The following C4BPA variants were observed in gnomAD, a reference collection of about 807,000 sequenced individuals.
C4BPA encodes C4b-binding protein alpha chain.
C4BPA carries 31 observed loss-of-function variants against 63.7 expected under a neutral mutation model. The observed-to-expected ratio is 0.49, with a 90% CI of 0.37 to 0.66. The LOEUF is 0.66. Ranked by LOEUF, C4BPA falls within the 30% of genes least tolerant of loss-of-function variation. C4BPA has a pLI of 0.00. For missense variants in C4BPA, 572 were observed against 723.3 expected, an observed-to-expected ratio of 0.79 and a Z score of 2.40; for synonymous variants, 259 against 254.7, an observed-to-expected ratio of 1.02 and a Z score of -0.16.
intron 11 of C4BPA, 122 bp downstream of exon 11, chr1:207,144,115 C>T (rs149581439): frequency 3.4e-4 from 237 of 695,116 alleles, no homozygotes; most frequent in Middle Eastern, 2.7e-3. Flanking sequence ...TTCTGAGCCA[C>T]TCCCACTCAA....
chr1:207,137,277 G>T (rs1685301018), intron 9 of C4BPA, among the ~76,000 whole-genome samples: 1 of 152,246 alleles, frequency 6.6e-6, no homozygotes, highest in Non-Finnish European at 1.5e-5. Flanking sequence ...AAATGTCTGA[G>T]ACAGGTCTCA....
chr1:207,135,774 C>T (rs774212573), intron 9 of C4BPA, among the ~76,000 whole-genome samples: 10 of 152,228 alleles, frequency 6.6e-5, no homozygotes, highest in Non-Finnish European at 1.2e-4. Flanking sequence ...GGCACTTCAA[C>T]TGTGCCTTTA....
chr1:207,124,097 C>T, intron 5 of C4BPA, 78 bp from the exon 6 acceptor site: 2 of 1,499,166 alleles, frequency 1.3e-6, no homozygotes, highest in Non-Finnish European at 1.9e-6. Flanking sequence ...GTGTACCTTC[C>T]ATTAGAATTT....
intron 9 of C4BPA, among the ~76,000 whole-genome samples, chr1:207,139,726 T>C (rs541727223): frequency 7.0e-4 from 107 of 152,324 alleles, no homozygotes; most frequent in African/African-American, 2.5e-3. Flanking sequence ...CTTTTATCAG[T>C]GCAGTTACCT....
At chr1:207,142,641 G>A (rs1331778757) in intron 10 of C4BPA, among the ~76,000 whole-genome samples, 4 of 152,104 alleles carry the variant, frequency 2.6e-5, no homozygotes, top group Non-Finnish European at 5.9e-5. Context: ...TCTCATTGTG[G>A]TTTTGATTTG....
chr1:207,140,500 C>CTT (rs79508731), intron 9 of C4BPA, among the ~76,000 whole-genome samples: 1,816 of 140,890 alleles, frequency 0.013, 38 homozygotes, highest in African/African-American at 0.044. Context: ...TGCTGCTCTG[C>CTT]TTTTTTTTTT....
chr1:207,132,880 C>T (rs550510002), intron 8 of C4BPA, among the ~76,000 whole-genome samples: 24 of 152,060 alleles, frequency 1.6e-4, no homozygotes, highest in African/African-American at 5.8e-4. Context: ...AAAAAATTAG[C>T]GGGATGTGGT....
chr1:207,139,353 A>G (rs1685360261), intron 9 of C4BPA, among the ~76,000 whole-genome samples: 1 of 152,224 alleles, frequency 6.6e-6, no homozygotes, highest in East Asian at 1.9e-4. Flanking sequence ...TATCACAGGG[A>G]TGACCACTCC....
chr1:207,122,301 A>G (rs1684936315), intron 4 of C4BPA, among the ~76,000 whole-genome samples: 1 of 152,204 alleles, frequency 6.6e-6, no homozygotes, highest in African/African-American at 2.4e-5. Context: ...ATGGGGCTTG[A>G]TATAGTCCTT....
At chr1:207,120,436 G>T (rs780184151) in intron 4 of C4BPA, among the ~76,000 whole-genome samples, 1 of 152,076 alleles carries the variant, frequency 6.6e-6, no homozygotes, top group Admixed American at 6.6e-5. Context: ...CTCTTGCTGC[G>T]TCCCCCAGTA....
In C4BPA at chr1:207,115,531, T is replaced by C. The variant is rs1159172339; in HGVS notation, c.428+16T>C. 3.8e-6 allele frequency: 5 copies of C among 1,305,664 alleles called. No homozygotes were observed. Among genetic ancestry groups the C allele is most frequent in the Non-Finnish European group, 5.3e-6 (5 of 942,040 alleles). 80.9% of individuals were successfully genotyped at this position (1,305,664 alleles called of 1,614,324 possible). On this transcript the variant is annotated intron_variant, in intron 4 of 11. Transcript: ENST00000367070. Reference sequence around the variant, plus strand: ...GTTCAGAAGGGTGAGTGTGAGGTAATCTATGAACAATTCTTTTATATTTAT... The same window carrying C: ...GTTCAGAAGGGTGAGTGTGAGGTAACCTATGAACAATTCTTTTATATTTAT...
At position 207,114,292 on chromosome 1, in the gene C4BPA, A is replaced by C; in HGVS notation, c.328+7A>C. ...TATAACACCTTCTGTATCTGTAAGTATCAACATTTATTTTTTTCCTTTGCT... is the reference window on the plus strand; with the variant it reads ...TATAACACCTTCTGTATCTGTAAGTCTCAACATTTATTTTTTTCCTTTGCT... On this transcript the variant is annotated splice_region_variant and intron_variant, in intron 3 of 11. Transcript: ENST00000367070. The C allele has an allele frequency of 6.3e-7, 1 of 1,582,022 alleles. No homozygotes were observed. The highest frequency in any genetic ancestry group is 8.6e-7 in the Non-Finnish European group (1 of 1,165,100).
intron 3 of C4BPA, among the ~76,000 whole-genome samples, chr1:207,115,116 T>C (rs1166289436): frequency 1.3e-5 from 2 of 152,188 alleles, no homozygotes. Context: ...GTACATGCCA[T>C]AGACATAGAA....
chr1:207,143,847 G>A lies in C4BPA; in HGVS notation c.1474G>A (p.Gly492Arg), dbSNP rs201588759. 6.2e-7 allele frequency: 1 copy of A among 1,613,422 alleles called. No homozygotes were observed. The highest frequency in any genetic ancestry group is 8.5e-7 in the Non-Finnish European group (1 of 1,179,506). Reference sequence around the variant, plus strand: ...GTGTCGGAAACCAGAATTAGTGAATGGAAGGTTGTCTGTGGATAAGGATCA... The same window carrying A: ...GTGTCGGAAACCAGAATTAGTGAATAGAAGGTTGTCTGTGGATAAGGATCA... Reference protein sequence around the residue: ...ALCRKPELVNGRLSVDKDQYV... With the variant: ...ALCRKPELVNRRLSVDKDQYV... The change falls in exon 11 of 12, where the codon GGA (glycine) becomes AGA (arginine). Residue 492 changes from glycine (G) to arginine (R), a missense_variant. Gly to Arg is a moderately radical substitution (Grantham distance 125, BLOSUM62 -2). This residue lies in a region of C4BPA where 465 missense variants were observed against 629.4 expected (regional missense o/e 0.74). Coordinates refer to ENST00000367070, the MANE Select transcript of C4BPA (RefSeq NM_000715.4).
chr1:207,126,793 A>C lies in C4BPA; in HGVS notation c.787A>C (p.Ile263Leu), dbSNP rs1485751096. ...FGPIYNYKDT[I>L]VFKCQKGFVL... ...ACCCATCTATAATTACAAAGACACTATTGTGTTTAAGTGCCAAAAAGGTTT... is the reference window on the plus strand; with the variant it reads ...ACCCATCTATAATTACAAAGACACTCTTGTGTTTAAGTGCCAAAAAGGTTT... Residue 263 changes from isoleucine (I) to leucine (L), a missense_variant, in exon 7 of 12, where the codon ATT becomes CTT. Transcript: ENST00000367070. 2.5e-6 allele frequency: 4 copies of C among 1,612,440 alleles called. No homozygotes were observed. In the African/African-American group the frequency reaches 5.3e-5, roughly 22 times the overall value.
rs747022283 is a variant in C4BPA, at chr1:207,114,190, A to C, written c.233A>C (p.Lys78Thr). 3 of 1,613,812 alleles carry C rather than the reference A, an allele frequency of 1.9e-6. No homozygotes were observed. Among genetic ancestry groups the C allele is most frequent in the Non-Finnish European group, 2.5e-6 (3 of 1,179,816 alleles). ...CGCTTCAAAACTGGAACTACTCTGA[A>C]ATACACCTGCCTCCCTGGCTACGTC... Reference protein sequence around the residue: ...ETRFKTGTTLKYTCLPGYVRS... With the variant: ...ETRFKTGTTLTYTCLPGYVRS... The change falls in exon 3 of 12, where the codon AAA becomes ACA. Residue 78 changes from lysine to threonine, a missense_variant. This residue lies in a region of C4BPA where 107 missense variants were observed against 93.9 expected (regional missense o/e 1.14). Coordinates refer to ENST00000367070, the MANE Select transcript of C4BPA (RefSeq NM_000715.4).
chr1:207,109,746 C>A (rs1461044558), intron 1 of C4BPA, among the ~76,000 whole-genome samples: 1 of 152,146 alleles, frequency 6.6e-6, no homozygotes, highest in East Asian at 1.9e-4. Flanking sequence ...AGGAGGAGAA[C>A]CAGTTTTTGC....
At chr1:207,135,111 G>A (rs765447269) in intron 9 of C4BPA, among the ~76,000 whole-genome samples, 11 of 152,068 alleles carry the variant, frequency 7.2e-5, no homozygotes, top group Non-Finnish European at 1.5e-4. Flanking sequence ...CTGAGGTGGG[G>A]AGATCACCTG....
intron 8 of C4BPA, among the ~76,000 whole-genome samples, chr1:207,133,438 T>A (rs1372933140): frequency 6.6e-6 from 1 of 152,206 alleles, no homozygotes; most frequent in Admixed American, 6.5e-5. Context: ...TAAAAAAATA[T>A]GTCCCTATAG....
Sources: gnomAD v4.1 joint callset for allele counts (sites outside exome capture counted in the v4.1 genomes callset) on GRCh38, gnomAD v4.1.1 for gene constraint, gnomAD v4.1.1 regional missense constraint, MANE v1.5 for transcripts, NCBI Gene and HGNC (gene_info 2026-07-23, HGNC 2026-07-21) for gene names.